Variants in MPG observed in about 807,000 individuals in gnomAD.
MPG encodes DNA-3-methyladenine glycosylase.
A neutral mutation model predicts 31.7 loss-of-function variants in MPG; 33 were observed. That is an observed-to-expected ratio of 1.04 (90% CI 0.79 to 1.39). MPG has a LOEUF of 1.39. Ranked by LOEUF, MPG falls within the 40% of genes most tolerant of loss-of-function variation. The pLI is 0.00. For synonymous variants in MPG, 202 were observed against 169.2 expected (o/e 1.19, Z -1.51); for missense variants, 455 against 415.5 (o/e 1.10, Z -0.83).
At chr16:80,333 A>G (rs1898206060) in intron 2 of MPG, among the ~76,000 whole-genome samples, 1 of 152,206 alleles carries the variant, frequency 6.6e-6, no homozygotes, top group Non-Finnish European at 1.5e-5. Flanking sequence ...AGAGGCTCCA[A>G]GGCCTTCCCT....
Position 82,075 on chromosome 16 carries a change from TGCTCCCC to T in MPG, c.301-976_301-970del, listed in dbSNP as rs1223086445. ...CCTACCTCCGGGAAGGCCTCCTGAA[TGCTCCCC>T]ACGCTGGCCCCTTCTTCCCACCACC... is the stretch of plus-strand genomic sequence containing the variant. On this transcript the variant is annotated intron_variant, in intron 2 of 3. Transcript: ENST00000356432. Among the ~76,000 whole-genome samples, 233 of 117,922 alleles carry T rather than the reference TGCTCCCC, an allele frequency of 2.0e-3. 4 individuals are homozygous for T. Among genetic ancestry groups the T allele is most frequent in the South Asian group, 4.3e-3 (15 of 3,504 alleles). The allele number at this position is 117,922 out of a possible 152,430, so 77.4% of individuals were successfully genotyped here. A position where few individuals can be genotyped will look rare whatever the true frequency, so the allele number is the denominator to read the frequency against.
Position 79,458 on chromosome 16 carries a change from C to T in MPG, c.58C>T (p.Pro20Ser). The change falls in exon 2 of 4, where the codon CCA becomes TCA. Residue 20 changes from proline to serine, a missense_variant. Pro to Ser is a moderately conservative substitution (Grantham distance 74). Coordinates refer to ENST00000356432, the MANE Select transcript of MPG (RefSeq NM_001015052.3). Reference sequence around the variant, plus strand: ...ACGGATGGGGCAAAAGAAGCAGCGACCAGCTAGAGCAGGGCAGCCACACAG... The same window carrying T: ...ACGGATGGGGCAAAAGAAGCAGCGATCAGCTAGAGCAGGGCAGCCACACAG... ...CRRMGQKKQR[P>S]ARAGQPHSSS... The T allele has an allele frequency of 6.2e-7, 1 of 1,613,166 alleles. No homozygotes were observed. Among genetic ancestry groups the T allele is most frequent in the South Asian group, 1.1e-5 (1 of 91,086 alleles).
chr16:79,028 G>C (rs1898166459), intron 1 of MPG: 1 of 1,422,834 alleles, frequency 7.0e-7, no homozygotes, highest in Admixed American at 2.9e-5. Context: ...TGGATGAAAG[G>C]GCAGGGCTCC....
At chr16:77,460 T>C (rs1898117810), upstream of MPG, among the ~76,000 whole-genome samples, 1 of 152,132 alleles carries the variant, frequency 6.6e-6, no homozygotes, top group Admixed American at 6.5e-5. Context: ...CGCTGGGCCG[T>C]CGGGGAGGCC....
chr16:83,263 A>G lies in MPG; in HGVS notation c.505+7A>G, dbSNP rs371387062. ...ATGAACATCTCCAGCCAGGGTGAGC[A>G]GTGCTGGGGCACGGGGGGTTGGAGG... On this transcript the variant is annotated splice_region_variant and intron_variant, in intron 3 of 3. Coordinates refer to ENST00000356432, the MANE Select transcript of MPG (RefSeq NM_001015052.3). 345 of 1,605,986 alleles carry G rather than the reference A, an allele frequency of 2.1e-4. 2 individuals are homozygous for G. The highest frequency in any genetic ancestry group is 6.3e-4 in the South Asian group (57 of 90,764).
rs754277305 is a variant in MPG at position 79,277 on chromosome 16, C to T, written c.25-148C>T. 7.6e-6 allele frequency: 12 copies of T among 1,568,666 alleles called. No individual in the cohort carries two copies. The African/African-American group carries it at 8.1e-5, about 11-fold the overall frequency. ...CGAGTGTGTCAGGGTGTTTGTGCCT[C>T]ATAACAACCCACAGGATGGTCACCC... On this transcript the variant is annotated intron_variant, in intron 1 of 3. Coordinates refer to ENST00000356432, the MANE Select transcript of MPG (RefSeq NM_001015052.3).
intron 1 of MPG, 126 bp from the exon 2 acceptor site, chr16:79,299 A>G (rs746883492): frequency 6.3e-7 from 1 of 1,594,404 alleles, no homozygotes; most frequent in African/African-American, 1.3e-5. Context: ...CAGGATGGTC[A>G]CCCCCGCTTT....
intron 3 of MPG, among the ~76,000 whole-genome samples, chr16:85,116 G>C (rs1898388930): frequency 6.6e-6 from 1 of 152,250 alleles, no homozygotes; most frequent in Non-Finnish European, 1.5e-5. Flanking sequence ...GCCACAGTGG[G>C]GGAGGCCCTG....
intron 1 of MPG, among the ~76,000 whole-genome samples, chr16:78,968 G>C (rs901908106): frequency 6.6e-6 from 1 of 150,736 alleles, no homozygotes; most frequent in Non-Finnish European, 1.5e-5. Context: ...CTCCCTGTGT[G>C]TCCGACCTTG....
In MPG at chr16:83,116, A is replaced by G. The variant is rs1239440912; in HGVS notation, c.365A>G (p.Tyr122Cys). ...GGCCGCATCGTGGAGACCGAGGCAT[A>G]CCTGGGGCCAGAGGATGAAGCCGCC... ...LRGRIVETEA[Y>C]LGPEDEAAHS... The change falls in exon 3 of 4, where the codon TAC (tyrosine) becomes TGC (cysteine). Residue 122 changes from tyrosine to cysteine, a missense_variant. Tyr to Cys is a radical substitution (Grantham distance 194, BLOSUM62 -2). Transcript: ENST00000356432. 1 of 1,612,896 alleles carries G rather than the reference A, an allele frequency of 6.2e-7. No homozygotes were observed. The highest frequency in any genetic ancestry group is 1.7e-5 in the Admixed American group (1 of 59,972).
chr16:81,682 C>T (rs1898241630), intron 2 of MPG, among the ~76,000 whole-genome samples: 2 of 127,728 alleles, frequency 1.6e-5, no homozygotes, highest in African/African-American at 7.9e-5. Context: ...TGAATGCTCC[C>T]CACACTGACC....
In MPG at chr16:85,699, A is replaced by T. The variant is rs1483349063; in HGVS notation, c.804A>T (p.Lys268Asn). ...GVGHAGEWARKPLRFYVRGSP... is the reference protein window; with the variant it reads ...GVGHAGEWARNPLRFYVRGSP... ...GCCATGCAGGGGAGTGGGCCCGGAA[A>T]CCCCTCCGCTTCTATGTCCGGGGCA... is the stretch of plus-strand genomic sequence containing the variant. The change falls in exon 4 of 4, where the codon AAA (lysine) becomes AAT (asparagine). Residue 268 changes from lysine to asparagine, a missense_variant. Coordinates refer to ENST00000356432, the MANE Select transcript of MPG (RefSeq NM_001015052.3). 6.5e-7 allele frequency: 1 copy of T among 1,542,214 alleles called. No individual in the cohort carries two copies. Among genetic ancestry groups the T allele is most frequent in the Non-Finnish European group, 8.8e-7 (1 of 1,141,278 alleles).
intron 2 of MPG, among the ~76,000 whole-genome samples, chr16:81,936 C>T (rs1228986525): frequency 7.5e-6 from 1 of 133,552 alleles, no homozygotes; most frequent in African/African-American, 3.4e-5. Flanking sequence ...TTCCCACCAC[C>T]CTACCTCCAG....
rs1203372233 is a variant in MPG, at chr16:78,243, G to A, written c.-67G>A. The A allele has an allele frequency of 2.2e-6, 3 of 1,356,920 alleles. No homozygotes were observed. The highest frequency in any genetic ancestry group is 2.7e-4 in the Middle Eastern group (1 of 3,678). 84.1% of individuals were successfully genotyped at this position (1,356,920 alleles called of 1,614,324 possible). A position where few individuals can be genotyped will look rare whatever the true frequency, so the allele number is the denominator to read the frequency against. Reference sequence around the variant, plus strand: ...CCGCCCCGGTCCTAGGGGTGCTTCCGTGGTCGGCGGCTGCTGGGCTCCGCG... The same window carrying A: ...CCGCCCCGGTCCTAGGGGTGCTTCCATGGTCGGCGGCTGCTGGGCTCCGCG... On this transcript the variant is annotated 5_prime_UTR_variant, in exon 1 of 4. In the 5' UTR this introduces an upstream ATG that the reference lacks. Coordinates refer to ENST00000356432, the MANE Select transcript of MPG (RefSeq NM_001015052.3).
Position 78,252 on chromosome 16 carries a change from G to T in MPG, c.-58G>T. The T allele has an allele frequency of 2.2e-6, 3 of 1,365,588 alleles. No homozygotes were observed. Among genetic ancestry groups the T allele is most frequent in the South Asian group, 1.6e-5 (1 of 64,460 alleles). The allele number at this position is 1,365,588 out of a possible 1,614,324, so 84.6% of individuals were successfully genotyped here. A position where few individuals can be genotyped will look rare whatever the true frequency, so the allele number is the denominator to read the frequency against. ...TCCTAGGGGTGCTTCCGTGGTCGGC[G>T]GCTGCTGGGCTCCGCGCCGGGGTCC... On this transcript the variant is annotated 5_prime_UTR_variant, in exon 1 of 4. Transcript: ENST00000356432.
rs367648016 is a variant in MPG, at chr16:85,595, G to A, written c.700G>A (p.Asp234Asn). Residue 234 changes from aspartate (D) to asparagine (N), a missense_variant, in exon 4 of 4, where the codon GAT (aspartate) becomes AAT (asparagine). Transcript: ENST00000356432. ...KSFDQRDLAQDEAVWLERGPL... is the reference protein window; with the variant it reads ...KSFDQRDLAQNEAVWLERGPL... ...CTTTGACCAGAGGGACCTGGCACAG[G>A]ATGAAGCTGTATGGCTGGAGCGTGG... is the stretch of plus-strand genomic sequence containing the variant. The A allele has an allele frequency of 6.2e-7, 1 of 1,612,060 alleles. No homozygotes were observed. The highest frequency in any genetic ancestry group is 8.5e-7 in the Non-Finnish European group (1 of 1,179,010).
In MPG at chr16:80,266, G is replaced by A. The variant is rs536644008; in HGVS notation, c.300+566G>A. ...CATCTTGGCTGGATCTGTTGGGAGCGAGGTGGTGGCGGTGGTCCTCGATGC... is the reference window on the plus strand; with the variant it reads ...CATCTTGGCTGGATCTGTTGGGAGCAAGGTGGTGGCGGTGGTCCTCGATGC... On this transcript the variant is annotated intron_variant, in intron 2 of 3. Coordinates refer to ENST00000356432, the MANE Select transcript of MPG (RefSeq NM_001015052.3). 1.5e-4 allele frequency among the ~76,000 whole-genome samples: 23 copies of A among 152,326 alleles called. No individual in the cohort carries two copies. In the South Asian group the frequency reaches 2.9e-3, roughly 19 times the overall value.
In MPG at chr16:81,894, G is replaced by C. The variant is rs374865751; in HGVS notation, c.301-1158G>C. On this transcript the variant is annotated intron_variant, in intron 2 of 3. Transcript: ENST00000356432. ...TTCCCACCACCCTACCTCCGGGAAG[G>C]CCTCCTGAATGCTCCCCGCGCTGAC... Among the ~76,000 whole-genome samples, 47 of 97,354 alleles carry C rather than the reference G, an allele frequency of 4.8e-4. 1 individual carries two copies. The highest frequency in any genetic ancestry group is 2.4e-3 in the South Asian group (7 of 2,896). 63.9% of individuals were successfully genotyped at this position (97,354 alleles called of 152,430 possible). A position where few individuals can be genotyped will look rare whatever the true frequency, so the allele number is the denominator to read the frequency against.
intron 2 of MPG, among the ~76,000 whole-genome samples, chr16:82,631 G>A (rs1898281633): frequency 6.6e-6 from 1 of 152,226 alleles, no homozygotes; most frequent in Non-Finnish European, 1.5e-5. Flanking sequence ...CTGGTGTGGG[G>A]ACATCCTTGG....
Sources: allele counts gnomAD v4.1 joint callset (sites outside exome capture counted in the v4.1 genomes callset), GRCh38; gene constraint gnomAD v4.1.1; transcripts MANE v1.5; gene names NCBI Gene and HGNC (gene_info 2026-07-23, HGNC 2026-07-21).